Variants in MAF observed in about 807,000 individuals in gnomAD.
The protein encoded by MAF is transcription factor Maf.
A neutral mutation model predicts 22.0 loss-of-function variants in MAF; 10 were observed. The observed-to-expected ratio is 0.45, with a 90% confidence interval of 0.28 to 0.77. The LOEUF is 0.77. MAF is among the 30% of genes least tolerant of loss of function. MAF has a pLI of 0.12. For missense variants in MAF, 544 were observed against 548.4 expected, an observed-to-expected ratio of 0.99 and a Z score of 0.08; for synonymous variants, 337 against 255.8, an observed-to-expected ratio of 1.32 and a Z score of -3.03.
At position 79,599,461 on chromosome 16, in the gene MAF, C is replaced by T. The variant is rs758854502; in HGVS notation, c.442G>A (p.Ala148Thr). The change falls in exon 1 of 2, where the codon GCC (alanine) becomes ACC (threonine). Residue 148 changes from alanine (A) to threonine (T), a missense_variant. Around this residue, in one of 5 missense-constraint regions of MAF, gnomAD observed 342 missense variants for 315.5 expected, o/e 1.08. Transcript: ENST00000326043. ...LAAAAGAGAG[A>T]SLGGSGEEMG... The stretch of plus-strand genomic sequence containing the variant: ...TCCTCGCCGCTGCCGCCCAAGGAGG[C>T]GCCGGCACCGGCCCCGGCCGCCGCG... The T allele has an allele frequency of 7.4e-7, 1 of 1,343,634 alleles. No homozygotes were observed. The highest frequency in any genetic ancestry group is 9.5e-7 in the Non-Finnish European group (1 of 1,057,502). 83.2% of individuals were successfully genotyped at this position (1,343,634 alleles called of 1,614,324 possible).
chr16:79,286,604 T>G, the MAF span, among the ~76,000 whole-genome samples: 1 of 152,194 alleles, frequency 6.6e-6, no homozygotes, highest in Non-Finnish European at 1.5e-5. Flanking sequence ...TTTTTCAGCA[T>G]AGGCAAAGAC....
At chr16:79,449,452 G>A in the MAF span, among the ~76,000 whole-genome samples, 3 of 152,206 alleles carry the variant, frequency 2.0e-5, no homozygotes, top group Admixed American at 6.5e-5. Context: ...GCTGTGCGGT[G>A]TGCTTGTTAT....
the MAF span, among the ~76,000 whole-genome samples, chr16:79,562,319 T>C: frequency 2.0e-5 from 3 of 152,168 alleles, no homozygotes; most frequent in South Asian, 2.1e-4. Flanking sequence ...TTTGTTCCCA[T>C]TGATAGTCCC....
At chr16:79,427,116 T>G in the MAF span, among the ~76,000 whole-genome samples, 1 of 152,220 alleles carries the variant, frequency 6.6e-6, no homozygotes, top group Non-Finnish European at 1.5e-5. Context: ...CACGTGATAA[T>G]GAGTAGGAAA....
the MAF span, among the ~76,000 whole-genome samples, chr16:79,304,495 T>G: frequency 6.6e-6 from 1 of 152,226 alleles, no homozygotes; most frequent in African/African-American, 2.4e-5. Context: ...CATTAATTTT[T>G]GTTTTGTTTT....
chr16:79,525,834 G>A, the MAF span, among the ~76,000 whole-genome samples: 1 of 152,136 alleles, frequency 6.6e-6, no homozygotes, highest in Non-Finnish European at 1.5e-5. Flanking sequence ...CAGGTTTCAT[G>A]AAGAGTGCAA....
chr16:79,377,903 C>G, the MAF span, among the ~76,000 whole-genome samples: 1 of 152,118 alleles, frequency 6.6e-6, no homozygotes, highest in South Asian at 2.1e-4. Context: ...GTTTTGGTAC[C>G]AGTACCATGC....
At chr16:79,322,782 G>A in the MAF span, among the ~76,000 whole-genome samples, 1 of 152,028 alleles carries the variant, frequency 6.6e-6, no homozygotes, top group African/African-American at 2.4e-5. Flanking sequence ...GTGGAGAAAA[G>A]GAGTAGGAAT....
the MAF span, among the ~76,000 whole-genome samples, chr16:79,275,212 T>A: frequency 1.3e-5 from 2 of 152,012 alleles, no homozygotes; most frequent in Non-Finnish European, 2.9e-5. Flanking sequence ...CCAAATTAGC[T>A]GGGTGTGGTG....
chr16:79,317,849 C>A, the MAF span, among the ~76,000 whole-genome samples: 1 of 152,110 alleles, frequency 6.6e-6, no homozygotes, highest in African/African-American at 2.4e-5. Flanking sequence ...TTTTCTAGCC[C>A]CCAGCCCCTG....
chr16:79,272,778 G>A, the MAF span, among the ~76,000 whole-genome samples: 1 of 151,850 alleles, frequency 6.6e-6, no homozygotes, highest in African/African-American at 2.4e-5. Flanking sequence ...CCCACAATTC[G>A]GTAACGAGAG....
chr16:79,464,414 G>C, the MAF span, among the ~76,000 whole-genome samples: 1 of 152,094 alleles, frequency 6.6e-6, no homozygotes. Flanking sequence ...AAGAATATAT[G>C]ATGGGCTGTC....
chr16:79,257,804 T>G, the MAF span, among the ~76,000 whole-genome samples: 3 of 152,210 alleles, frequency 2.0e-5, no homozygotes, highest in Non-Finnish European at 4.4e-5. Context: ...TGAGAAAATG[T>G]TGCTGTTAGT....
At chr16:79,299,179 C>T in the MAF span, among the ~76,000 whole-genome samples, 18 of 152,232 alleles carry the variant, frequency 1.2e-4, no homozygotes, top group African/African-American at 3.4e-4. Context: ...GGTTAATGGG[C>T]GACCTTTGCC....
the MAF span, among the ~76,000 whole-genome samples, chr16:79,267,186 C>T: frequency 2.2e-4 from 33 of 152,338 alleles, no homozygotes; most frequent in Non-Finnish European, 3.8e-4. Context: ...CATGGATCAG[C>T]GTGGAAGTTC....
At chr16:79,595,075 T>C (rs1236804832) in intron 1 of MAF, 1 of 1,046,702 alleles carries the variant, frequency 9.6e-7, no homozygotes, top group Admixed American at 5.4e-5. Flanking sequence ...AAAAGCATTC[T>C]CTCCATTTCT....
the MAF span, among the ~76,000 whole-genome samples, chr16:79,227,967 A>T: frequency 6.6e-6 from 1 of 152,102 alleles, no homozygotes; most frequent in Non-Finnish European, 1.5e-5. Flanking sequence ...GCTATGGCAC[A>T]ATTATAGCTT....
the MAF span, among the ~76,000 whole-genome samples, chr16:79,534,788 C>A: frequency 6.9e-4 from 105 of 151,916 alleles, no homozygotes; most frequent in Non-Finnish European, 9.9e-4. Flanking sequence ...TCAGGCACAC[C>A]CTCTTCAGTG....
At chr16:79,523,022 T>TC in the MAF span, among the ~76,000 whole-genome samples, 1 of 152,236 alleles carries the variant, frequency 6.6e-6, no homozygotes, top group Non-Finnish European at 1.5e-5. Context: ...TTTGAGGATT[T>TC]ACTTCATGAT....
Sources: gnomAD v4.1 joint callset for allele counts (sites outside exome capture counted in the v4.1 genomes callset) on GRCh38, gnomAD v4.1.1 for gene constraint, gnomAD v4.1.1 regional missense constraint, MANE v1.5 for transcripts, NCBI Gene and HGNC (gene_info 2026-07-23, HGNC 2026-07-21) for gene names.